The following PSMA2 variants were observed in gnomAD, a reference collection of about 807,000 sequenced individuals.
PSMA2 encodes proteasome subunit alpha type-2.
In PSMA2, 2 loss-of-function variants were observed where a neutral mutation model predicts 35.9. That is an observed-to-expected ratio of 0.06 (90% confidence interval 0.02 to 0.18). The LOEUF is 0.18. Ranked by LOEUF, PSMA2 falls within the 10% of genes least tolerant of loss-of-function variation. The pLI, the probability that PSMA2 is intolerant of heterozygous loss-of-function variation, is 1.00. For missense variants in PSMA2, 126 were observed against 278.8 expected (o/e 0.45, Z 3.90); for synonymous variants, 97 against 98.2 (o/e 0.99, Z 0.07).
chr7:42,928,510 C>T (rs774502702), intron 1 of PSMA2, among the ~76,000 whole-genome samples: 2 of 152,158 alleles, frequency 1.3e-5, no homozygotes, highest in African/African-American at 4.8e-5. Context: ...GATTTGGTAG[C>T]TAAACGCAAG....
chr7:42,927,456 C>A lies in PSMA2; in HGVS notation c.45G>T (p.Pro15=), dbSNP rs112532447. Residue 15 remains proline (P), a synonymous_variant, in exon 2 of 8, where the codon CCG becomes CCT. Coordinates refer to ENST00000223321, the MANE Select transcript of PSMA2 (RefSeq NM_002787.5). The stretch of plus-strand genomic sequence containing the variant: ...ATTCAATCTGGACAAGTTTACCAGA[C>A]GGGCTTAAAAGAAACACAGGTATTT... ...GYSFSLTTFS[P]SGKLVQIEYA... is the part of the protein sequence containing the mutation. 6.2e-7 allele frequency: 1 copy of A among 1,613,934 alleles called. No individual in the cohort carries two copies. Among genetic ancestry groups the A allele is most frequent in the East Asian group, 2.2e-5 (1 of 44,874 alleles).
chr7:42,926,485 T>C (rs1273729497), intron 3 of PSMA2, 51 bp downstream of exon 3: 1 of 1,491,292 alleles, frequency 6.7e-7, no homozygotes, highest in Non-Finnish European at 8.9e-7. Context: ...AAAATACAGA[T>C]TACAATCAAT....
At chr7:42,925,290 G>A (rs1019911907) in intron 3 of PSMA2, among the ~76,000 whole-genome samples, 2 of 152,132 alleles carry the variant, frequency 1.3e-5, no homozygotes, top group Non-Finnish European at 2.9e-5. Flanking sequence ...TGTAAAATTC[G>A]GCTAGGTGCA....
chr7:42,917,662 T>C lies in PSMA2; in HGVS notation c.617A>G (p.Asp206Gly). The C allele has an allele frequency of 6.2e-7, 1 of 1,613,916 alleles. No homozygotes were observed. The highest frequency in any genetic ancestry group is 2.2e-5 in the East Asian group (1 of 44,790). Residue 206 changes from aspartate to glycine, a missense_variant, in exon 8 of 8, where the codon GAT (aspartate) becomes GGT (glycine). Coordinates refer to ENST00000223321, the MANE Select transcript of PSMA2 (RefSeq NM_002787.5). Reference sequence around the variant, plus strand: ...ATTGCAGATTCCAACTTCTATGTTATCCTCTGTCATTTGCCCTTCAAAGCT... The same window carrying C: ...ATTGCAGATTCCAACTTCTATGTTACCCTCTGTCATTTGCCCTTCAAAGCT... Reference protein sequence around the residue: ...KESFEGQMTEDNIEVGICNEA... With the variant: ...KESFEGQMTEGNIEVGICNEA...
chr7:42,928,677 A>G (rs535736207), intron 1 of PSMA2, among the ~76,000 whole-genome samples: 1 of 152,348 alleles, frequency 6.6e-6, no homozygotes, highest in East Asian at 1.9e-4. Context: ...TAATGAAAAT[A>G]TAAATTTCAG....
chr7:42,928,046 A>C (rs1786241006), intron 1 of PSMA2, among the ~76,000 whole-genome samples: 1 of 151,974 alleles, frequency 6.6e-6, no homozygotes, highest in African/African-American at 2.4e-5. Flanking sequence ...GCTTCTTTTC[A>C]CCCTAAGTTT....
At chr7:42,926,079 G>C (rs1291291437) in intron 3 of PSMA2, among the ~76,000 whole-genome samples, 1 of 152,174 alleles carries the variant, frequency 6.6e-6, no homozygotes, top group East Asian at 1.9e-4. Context: ...AACTTGCAGT[G>C]GTGTTTGAGA....
rs1170982052 is a variant in PSMA2, at chr7:42,931,082, A to G, written c.41+1036T>C. ...GAAAAAAAACCCAGTTTGAATGTCA[A>G]CTCAGCTACTCACCGATGACCTTAG... is the stretch of plus-strand genomic sequence containing the variant. On this transcript the variant is annotated intron_variant, in intron 1 of 7. Coordinates refer to ENST00000223321, the MANE Select transcript of PSMA2 (RefSeq NM_002787.5). The G allele has an allele frequency of 1.3e-5, 5 of 394,518 alleles. No homozygotes were observed. In the Admixed American group the frequency reaches 1.7e-4, roughly 13 times the overall value. 24.4% of individuals were successfully genotyped at this position (394,518 alleles called of 1,614,324 possible). A position where few individuals can be genotyped will look rare whatever the true frequency, so the allele number is the denominator to read the frequency against.
intron 3 of PSMA2, among the ~76,000 whole-genome samples, chr7:42,925,879 T>C (rs1314796026): frequency 6.6e-6 from 1 of 152,254 alleles, no homozygotes; most frequent in Non-Finnish European, 1.5e-5. Flanking sequence ...TGCCTCTACC[T>C]ATCTTGCTCC....
chr7:42,917,573 G>C lies in PSMA2; in HGVS notation c.*1C>G. On this transcript the variant is annotated 3_prime_UTR_variant, in exon 8 of 8. Coordinates refer to ENST00000223321, the MANE Select transcript of PSMA2 (RefSeq NM_002787.5). ...TTCTGGATTTTTCAGTCACTTCATT[G>C]TTATGCTATGGCAGCCAAGTAATCC... 4.4e-6 allele frequency: 7 copies of C among 1,606,438 alleles called. No homozygotes were observed. The highest frequency in any genetic ancestry group is 6.0e-6 in the Non-Finnish European group (7 of 1,174,768).
At chr7:42,930,664 A>C (rs942570472) in intron 1 of PSMA2, among the ~76,000 whole-genome samples, 1 of 152,060 alleles carries the variant, frequency 6.6e-6, no homozygotes, top group Admixed American at 6.6e-5. Context: ...GCGATAAAAG[A>C]CCACATTTGC....
chr7:42,919,252 A>T, intron 6 of PSMA2: 1 of 616,250 alleles, frequency 1.6e-6, no homozygotes, highest in Non-Finnish European at 3.2e-6. Context: ...AACACTGAAT[A>T]AGGATGCCAC....
intron 1 of PSMA2, among the ~76,000 whole-genome samples, chr7:42,927,695 C>A (rs1029878790): frequency 3.9e-5 from 6 of 152,192 alleles, no homozygotes; most frequent in African/African-American, 1.4e-4. Flanking sequence ...CACCTGAGGT[C>A]AGGAGTTCGA....
intron 6 of PSMA2, 58 bp downstream of exon 6, chr7:42,921,800 G>A (rs1046303637): frequency 2.9e-6 from 4 of 1,365,584 alleles, no homozygotes; most frequent in Non-Finnish European, 4.1e-6. Context: ...TACTTAAAGA[G>A]CACCAAAAAC....
chr7:42,919,296 G>C (rs1333104369), intron 6 of PSMA2: 3 of 611,656 alleles, frequency 4.9e-6, no homozygotes, highest in Non-Finnish European at 6.4e-6. Context: ...ATTTCACAAA[G>C]TGTGGGATGC....
chr7:42,926,803 T>A, intron 2 of PSMA2, 135 bp from the exon 3 acceptor site: 5 of 1,013,554 alleles, frequency 4.9e-6, no homozygotes, highest in Non-Finnish European at 6.8e-6. Context: ...CGGAGTCCTA[T>A]TACCAAAATT....
intron 6 of PSMA2, chr7:42,919,675 A>G: frequency 1.8e-6 from 1 of 559,072 alleles, no homozygotes. Flanking sequence ...TTTTGACAGT[A>G]CAGTAAGTTT....
At position 42,917,536 on chromosome 7, in the gene PSMA2, G is replaced by C. The variant is rs1786050793; in HGVS notation, c.*38C>G. The stretch of plus-strand genomic sequence containing the variant: ...TACTTTAAACATGTTTAAGTAGATA[G>C]ATTATCTGAAATTCTGGATTTTTCA... On this transcript the variant is annotated 3_prime_UTR_variant, in exon 8 of 8. Transcript: ENST00000223321. The C allele has an allele frequency of 6.8e-7, 1 of 1,466,968 alleles. No homozygotes were observed. 90.9% of individuals were successfully genotyped at this position (1,466,968 alleles called of 1,614,324 possible). A position where few individuals can be genotyped will look rare whatever the true frequency, so the allele number is the denominator to read the frequency against.
chr7:42,930,994 A>C (rs1215006310), intron 1 of PSMA2: 1 of 301,672 alleles, frequency 3.3e-6, no homozygotes, highest in Non-Finnish European at 6.6e-6. Flanking sequence ...AAAACTGCCA[A>C]GAGAAAAGTA....
Sources: allele counts gnomAD v4.1 joint callset (sites outside exome capture counted in the v4.1 genomes callset), GRCh38; gene constraint gnomAD v4.1.1; transcripts MANE v1.5; gene names NCBI Gene and HGNC (gene_info 2026-07-23, HGNC 2026-07-21).